The following NOL7 variants were observed in gnomAD, a reference collection of about 807,000 sequenced individuals.
The protein encoded by NOL7 is nucleolar protein 7, also known as U3 small nucleolar RNA-associated protein NOL7.
In NOL7, 36 loss-of-function variants were observed where a neutral mutation model predicts 38.4. The observed-to-expected ratio is 0.94, with a 90% CI of 0.72 to 1.24. NOL7 has a LOEUF of 1.24. Ranked by LOEUF, NOL7 falls within the 50% of genes most tolerant of loss-of-function variation. The probability of loss-of-function intolerance (pLI) is 0.00; values close to 1 mark genes in which losing one functional copy is unlikely to be tolerated. For missense variants in NOL7, 350 were observed against 315.1 expected (o/e 1.11, Z -0.84); for synonymous variants, 142 against 126.5 (o/e 1.12, Z -0.82).
At chr6:13,622,195 G>T, downstream of NOL7, 1 of 610,340 alleles carries the variant, frequency 1.6e-6, no homozygotes, top group Non-Finnish European at 2.4e-6. Context: ...CTAACACTAA[G>T]TTAGAAAATC....
Position 13,620,235 on chromosome 6 carries a change from G to C in NOL7, c.528G>C (p.Arg176Ser). 6.2e-7 allele frequency: 1 copy of C among 1,614,002 alleles called. No homozygotes were observed. The highest frequency in any genetic ancestry group is 1.1e-5 in the South Asian group (1 of 91,060). ...AGAATAAAAGCTACTTGGCCGTAAGGCTAAAAGACCAAGATCTGAGAGATT... is the reference window on the plus strand; with the variant it reads ...AGAATAAAAGCTACTTGGCCGTAAGCCTAAAAGACCAAGATCTGAGAGATT... ...VSQNKSYLAV[R>S]LKDQDLRDSR... Residue 176 changes from arginine (R) to serine (S), a missense_variant, in exon 6 of 8, where the codon AGG becomes AGC. By Grantham distance (110) the Arg-to-Ser change is moderately radical. Coordinates refer to ENST00000451315, the MANE Select transcript of NOL7 (RefSeq NM_016167.5).
downstream of NOL7, among the ~76,000 whole-genome samples, chr6:13,624,845 G>T (rs1764556075): frequency 6.6e-6 from 1 of 152,144 alleles, no homozygotes; most frequent in Admixed American, 6.5e-5. Flanking sequence ...AATGCAAATA[G>T]AATGTGACAT....
At chr6:13,630,389 A>G (rs188765154) in intron 8 of NOL7, among the ~76,000 whole-genome samples, 247 of 152,334 alleles carry the variant, frequency 1.6e-3, no homozygotes, top group Non-Finnish European at 2.8e-3. Context: ...AATAAGAATC[A>G]AACACAAAGT....
chr6:13,615,641 C>T lies in NOL7; in HGVS notation c.266+17C>T. 1.9e-6 allele frequency: 3 copies of T among 1,610,172 alleles called. No homozygotes were observed. The highest frequency in any genetic ancestry group is 2.5e-6 in the Non-Finnish European group (3 of 1,177,862). On this transcript the variant is annotated intron_variant, in intron 1 of 7. Transcript: ENST00000451315. ...CGTGCGCAGGTTCGGAGCCCGCTGC[C>T]CGGCGGGGAGAACCGCCCTTTCTCG...
In NOL7 at chr6:13,620,743, T is replaced by A; in HGVS notation, c.701-11T>A. The A allele has an allele frequency of 6.4e-7, 1 of 1,566,790 alleles. No individual in the cohort carries two copies. Among genetic ancestry groups the A allele is most frequent in the Non-Finnish European group, 8.7e-7 (1 of 1,151,670 alleles). On this transcript the variant is annotated splice_polypyrimidine_tract_variant and intron_variant, in intron 7 of 7. Coordinates refer to ENST00000451315, the MANE Select transcript of NOL7 (RefSeq NM_016167.5). ...TCTAATATACTTACTGCAGAAAACT[T>A]TATATTCTAGGAATCCAAAAAAAAC...
At chr6:13,620,620 C>A in intron 7 of NOL7, 134 bp from the exon 8 acceptor site, 1 of 1,014,180 alleles carries the variant, frequency 9.9e-7, no homozygotes, top group Non-Finnish European at 1.5e-6. Context: ...AAAAACAGGT[C>A]AATGTAGTAT....
downstream of NOL7, among the ~76,000 whole-genome samples, chr6:13,625,100 C>G (rs1225719810): frequency 6.6e-6 from 1 of 152,186 alleles, no homozygotes; most frequent in Non-Finnish European, 1.5e-5. Context: ...CATTTTCATT[C>G]TCTCCATCAA....
At chr6:13,629,819 A>G (rs765966714) in intron 8 of NOL7, among the ~76,000 whole-genome samples, 3 of 152,164 alleles carry the variant, frequency 2.0e-5, no homozygotes, top group Non-Finnish European at 4.4e-5. Flanking sequence ...CTAAAAGGAA[A>G]AAGGTCAAGA....
downstream of NOL7, among the ~76,000 whole-genome samples, chr6:13,624,683 C>T (rs75526845): frequency 6.9e-3 from 1,048 of 152,314 alleles, 7 homozygotes; most frequent in African/African-American, 0.023. Flanking sequence ...CTACAGTGAG[C>T]TGCTCATAGG....
chr6:13,618,584 GTC>G (rs1338956695), intron 5 of NOL7, among the ~76,000 whole-genome samples: 1 of 152,204 alleles, frequency 6.6e-6, no homozygotes, highest in East Asian at 1.9e-4. Flanking sequence ...TCAGATTGTC[GTC>G]TCTGTGGAAA....
chr6:13,617,234 C>T (rs1405448634), intron 3 of NOL7, among the ~76,000 whole-genome samples: 3 of 151,346 alleles, frequency 2.0e-5, no homozygotes, highest in Non-Finnish European at 4.4e-5. Context: ...GTCACCTTTA[C>T]CTTCTCATTT....
rs1295552540 is a variant in NOL7 at position 13,615,441 on chromosome 6, A to G, written c.83A>G (p.Glu28Gly). The G allele has an allele frequency of 4.5e-6, 7 of 1,549,266 alleles. No individual in the cohort carries two copies. Among genetic ancestry groups the G allele is most frequent in the Non-Finnish European group, 6.1e-6 (7 of 1,146,610 alleles). Residue 28 changes from glutamate (E) to glycine (G), a missense_variant, in exon 1 of 8, where the codon GAG becomes GGG. Coordinates refer to ENST00000451315, the MANE Select transcript of NOL7 (RefSeq NM_016167.5). Reference protein sequence around the residue: ...MVDEGQLASEEEEAEHGLLLG... With the variant: ...MVDEGQLASEGEEAEHGLLLG... ...GACGAGGGCCAGCTGGCCTCGGAGG[A>G]GGAGGAGGCGGAGCACGGGCTGTTG...
downstream of NOL7, among the ~76,000 whole-genome samples, chr6:13,626,414 G>C (rs2127758640): frequency 6.6e-6 from 1 of 152,296 alleles, no homozygotes; most frequent in South Asian, 2.1e-4. Context: ...TCAAGTCCAA[G>C]CTCCACCACT....
chr6:13,617,283 C>T (rs1294339952), intron 3 of NOL7, among the ~76,000 whole-genome samples: 2 of 149,660 alleles, frequency 1.3e-5, no homozygotes, highest in African/African-American at 5.0e-5. Flanking sequence ...TTTTGTGTGG[C>T]CTTTCTCCTG....
In NOL7 at chr6:13,620,269, C is replaced by G. The variant is rs370712203; in HGVS notation, c.562C>G (p.Gln188Glu). Residue 188 changes from glutamine (Q) to glutamate (E), a missense_variant, in exon 6 of 8, where the codon CAA becomes GAA. Gln to Glu is a conservative substitution (Grantham distance 29). Transcript: ENST00000451315. ...KDQDLRDSRQ[Q>E]AAQAFIHNSL... Reference sequence around the variant, plus strand: ...CCAAGATCTGAGAGATTCAAGGCAACAAGCAGCACAAGCCTTCATACATAA... The same window carrying G: ...CCAAGATCTGAGAGATTCAAGGCAAGAAGCAGCACAAGCCTTCATACATAA... The G allele has an allele frequency of 1.9e-6, 3 of 1,614,128 alleles. No individual in the cohort carries two copies. The highest frequency in any genetic ancestry group is 2.5e-6 in the Non-Finnish European group (3 of 1,179,980).
chr6:13,630,748 G>C (rs1053588168), intron 8 of NOL7, among the ~76,000 whole-genome samples: 3 of 152,126 alleles, frequency 2.0e-5, no homozygotes, highest in African/African-American at 4.8e-5. Flanking sequence ...ACTAAAGGCA[G>C]TCTGGTCTGT....
downstream of NOL7, among the ~76,000 whole-genome samples, chr6:13,623,306 C>T (rs1280536313): frequency 6.6e-6 from 1 of 152,112 alleles, no homozygotes; most frequent in Non-Finnish European, 1.5e-5. Context: ...TTTATAGGCA[C>T]AGTTGACAAC....
chr6:13,631,488 G>A (rs1026448347), intron 8 of NOL7, among the ~76,000 whole-genome samples: 4 of 152,142 alleles, frequency 2.6e-5, no homozygotes, highest in African/African-American at 9.7e-5. Context: ...GCACTCTTAA[G>A]TATCAGATTT....
chr6:13,625,186 TGTTCTTAAC>T (rs1467361566), downstream of NOL7, among the ~76,000 whole-genome samples: 1 of 152,206 alleles, frequency 6.6e-6, no homozygotes, highest in Non-Finnish European at 1.5e-5. Flanking sequence ...TATTAATCTA[TGTTCTTAAC>T]GTTCTCCGAT....
Sources: gnomAD v4.1 joint callset for allele counts (sites outside exome capture counted in the v4.1 genomes callset) on GRCh38, gnomAD v4.1.1 for gene constraint, MANE v1.5 for transcripts, NCBI Gene and HGNC (gene_info 2026-07-23, HGNC 2026-07-21) for gene names.